Variants in ZMYM4 observed in about 807,000 individuals in gnomAD.
ZMYM4 encodes the protein zinc finger MYM-type containing 4.
Under a neutral mutation model 183.2 loss-of-function variants are expected in ZMYM4, and 31 were observed. The ratio of observed to expected loss-of-function variants is 0.17; its 90% CI spans 0.13 to 0.23. The LOEUF is 0.23. ZMYM4 is among the 10% of genes least tolerant of loss of function. The pLI is 1.00. For missense variants in ZMYM4, 1,273 were observed against 1,840.3 expected (o/e 0.69, Z 5.64); for synonymous variants, 592 against 631.2 (o/e 0.94, Z 0.93).
Position 35,381,722 on chromosome 1 carries a change from G to A in ZMYM4, c.1533G>A (p.Lys511=). Residue 511 remains lysine, a synonymous_variant, in exon 9 of 30, where the codon AAG becomes AAA. Coordinates refer to ENST00000314607, the MANE Select transcript of ZMYM4 (RefSeq NM_005095.3). ...HMLQIEGQSK[K]FCSSSCITAY... ...TTCAGATAGAGGGACAGTCTAAGAA[G>A]TTTTGTAGTTCATCGTGTATCACGG... The A allele has an allele frequency of 6.2e-7, 1 of 1,614,174 alleles. No homozygotes were observed. Among genetic ancestry groups the A allele is most frequent in the Non-Finnish European group, 8.5e-7 (1 of 1,180,040 alleles).
intron 1 of ZMYM4, among the ~76,000 whole-genome samples, chr1:35,307,136 G>A (rs1456402863): frequency 1.3e-5 from 2 of 152,198 alleles, no homozygotes; most frequent in Admixed American, 6.5e-5. Flanking sequence ...TAAAATGAGA[G>A]ATCTCTGTTA....
chr1:35,354,165 A>AGAAG (rs1467866168), intron 2 of ZMYM4, among the ~76,000 whole-genome samples: 1 of 152,072 alleles, frequency 6.6e-6, no homozygotes, highest in African/African-American at 2.4e-5. Context: ...AAAGAAAGAA[A>AGAAG]AAAAAGAAAT....
intron 19 of ZMYM4, chr1:35,397,159 C>T: frequency 2.7e-6 from 3 of 1,112,616 alleles, no homozygotes; most frequent in Non-Finnish European, 3.3e-6. Context: ...TTAGAGGATT[C>T]AGAGACATAA....
intron 26 of ZMYM4, among the ~76,000 whole-genome samples, chr1:35,409,896 C>T (rs1346156929): frequency 2.6e-5 from 4 of 151,172 alleles, no homozygotes; most frequent in Non-Finnish European, 4.4e-5. Flanking sequence ...GCCAAGATCG[C>T]GCCCCTGCAC....
chr1:35,300,127 T>A lies in ZMYM4; in HGVS notation c.40-25233T>A, dbSNP rs575163995. 2.0e-4 allele frequency among the ~76,000 whole-genome samples: 30 copies of A among 152,268 alleles called. No homozygotes were observed. The South Asian group carries it at 6.2e-3, about 32-fold the overall frequency. On this transcript the variant is annotated intron_variant, in intron 1 of 29. Coordinates refer to ENST00000314607, the MANE Select transcript of ZMYM4 (RefSeq NM_005095.3). ...TTCTTTCAATTTTCCATCTGCCACA[T>A]AGAAAAAGAGTGGGGTTTGCAAAGG...
intron 15 of ZMYM4, 84 bp from the exon 16 acceptor site, chr1:35,392,128 C>T (rs1644719068): frequency 1.9e-6 from 3 of 1,566,808 alleles, no homozygotes; most frequent in Admixed American, 1.7e-5. Context: ...AACCTGAAAA[C>T]ATTGTTTAAC....
intron 2 of ZMYM4, among the ~76,000 whole-genome samples, chr1:35,348,934 C>A (rs1055346285): frequency 2.0e-5 from 3 of 152,174 alleles, no homozygotes; most frequent in Admixed American, 2.0e-4. Context: ...CTTTCTCCCT[C>A]CATTTTAAAG....
intron 1 of ZMYM4, among the ~76,000 whole-genome samples, chr1:35,299,107 ATCC>A: frequency 6.7e-6 from 1 of 150,174 alleles, no homozygotes; most frequent in South Asian, 2.1e-4. Flanking sequence ...AGCTCAGGTG[ATCC>A]TCCTGCCCCA....
intron 5 of ZMYM4, among the ~76,000 whole-genome samples, chr1:35,364,395 T>C (rs1199324217): frequency 2.6e-5 from 4 of 152,316 alleles, no homozygotes; most frequent in Admixed American, 6.5e-5. Flanking sequence ...TTGATAATTC[T>C]TCTAGAAATC....
chr1:35,370,067 G>C lies in ZMYM4; in HGVS notation c.879G>C (p.Gly293=). ...SHGQQQKTQE[G]ELKISAVFSV... is the part of the protein sequence containing the mutation. ...GCCAACAGCAAAAAACTCAAGAGGG[G>C]GAACTGAAAATTAGTGCTGTGTTTT... The change falls in exon 6 of 30, where the codon GGG becomes GGC. Residue 293 remains glycine (G), a synonymous_variant. Transcript: ENST00000314607. 2 of 1,613,230 alleles carry C rather than the reference G, an allele frequency of 1.2e-6. No homozygotes were observed. The highest frequency in any genetic ancestry group is 1.7e-6 in the Non-Finnish European group (2 of 1,179,526).
rs1047427245 is a variant in ZMYM4 at position 35,268,876 on chromosome 1, G to A, written c.-171G>A. ...GCGGACCCGTGGGATCTCAGAAGCT[G>A]CGGCCCGGCGCGCGGCATCCGCCCC... On this transcript the variant is annotated 5_prime_UTR_variant, in exon 1 of 30. Coordinates refer to ENST00000314607, the MANE Select transcript of ZMYM4 (RefSeq NM_005095.3). 2 of 636,028 alleles carry A rather than the reference G, an allele frequency of 3.1e-6. No homozygotes were observed. The highest frequency in any genetic ancestry group is 3.8e-5 in the African/African-American group (2 of 52,010). 39.4% of individuals were successfully genotyped at this position (636,028 alleles called of 1,614,324 possible). A position where few individuals can be genotyped will look rare whatever the true frequency, so the allele number is the denominator to read the frequency against.
At chr1:35,342,128 G>A (rs1643221567) in intron 2 of ZMYM4, among the ~76,000 whole-genome samples, 1 of 151,882 alleles carries the variant, frequency 6.6e-6, no homozygotes, top group East Asian at 1.9e-4. Flanking sequence ...TCTGTTTTTG[G>A]TAGGTTGTAT....
intron 1 of ZMYM4, among the ~76,000 whole-genome samples, chr1:35,283,848 G>A (rs1640325468): frequency 6.6e-6 from 1 of 151,762 alleles, no homozygotes; most frequent in African/African-American, 2.4e-5. Context: ...TTTAGGAATT[G>A]TTTTTATATT....
Position 35,405,001 on chromosome 1 carries a change from T to C in ZMYM4, c.3529-22T>C, listed in dbSNP as rs1644975958. On this transcript the variant is annotated intron_variant, in intron 23 of 29. Transcript: ENST00000314607. ...ATCCAAAACTAAATTTTATGTTCTG[T>C]AAATTTTTGGAATTCTTACAGGGAC... is the stretch of plus-strand genomic sequence containing the variant. 2.6e-6 allele frequency: 4 copies of C among 1,561,916 alleles called. No homozygotes were observed. In the East Asian group the frequency reaches 9.1e-5, roughly 35 times the overall value.
chr1:35,388,553 T>C (rs1032899662), intron 13 of ZMYM4, among the ~76,000 whole-genome samples: 1 of 152,152 alleles, frequency 6.6e-6, no homozygotes, highest in Non-Finnish European at 1.5e-5. Context: ...TTTTCTCTTC[T>C]GTGCTATCCT....
At chr1:35,315,604 GA>G (rs1325602140) in intron 1 of ZMYM4, among the ~76,000 whole-genome samples, 1 of 152,072 alleles carries the variant, frequency 6.6e-6, no homozygotes, top group African/African-American at 2.4e-5. Context: ...ATAAAAATGC[GA>G]AAAGAAGATG....
At chr1:35,281,458 A>G (rs1640154909) in intron 1 of ZMYM4, among the ~76,000 whole-genome samples, 1 of 152,076 alleles carries the variant, frequency 6.6e-6, no homozygotes, top group South Asian at 2.1e-4. Context: ...AGCATGGGGG[A>G]TGGAAGGGAG....
chr1:35,355,102 C>T lies in ZMYM4; in HGVS notation c.86-3823C>T, dbSNP rs540108609. Among the ~76,000 whole-genome samples, 48 of 151,640 alleles carry T rather than the reference C, an allele frequency of 3.2e-4. No homozygotes were observed. The South Asian group carries it at 3.5e-3, about 11-fold the overall frequency. On this transcript the variant is annotated intron_variant, in intron 2 of 29. Coordinates refer to ENST00000314607, the MANE Select transcript of ZMYM4 (RefSeq NM_005095.3). ...AGGCTGGAGTGCAGTGGCGCAATCTCGGCTCACTGCAAGCTTCGCCTTCCA... is the reference window on the plus strand; with the variant it reads ...AGGCTGGAGTGCAGTGGCGCAATCTTGGCTCACTGCAAGCTTCGCCTTCCA...
At chr1:35,297,461 A>C (rs1641075129) in intron 1 of ZMYM4, among the ~76,000 whole-genome samples, 1 of 150,768 alleles carries the variant, frequency 6.6e-6, no homozygotes, top group Non-Finnish European at 1.5e-5. Flanking sequence ...ACTGCACTCC[A>C]GCCTGGGTGC....
Sources: allele counts gnomAD v4.1 joint callset (sites outside exome capture counted in the v4.1 genomes callset), GRCh38; gene constraint gnomAD v4.1.1; transcripts MANE v1.5; gene names NCBI Gene and HGNC (gene_info 2026-07-23, HGNC 2026-07-21).